AIF1L: variants seen among roughly 807,000 people sequenced by gnomAD.
AIF1L encodes allograft inflammatory factor 1 like.
In AIF1L, 12 loss-of-function variants were observed where a neutral mutation model predicts 20.7. The ratio of observed to expected loss-of-function variants is 0.58; its 90% CI spans 0.37 to 0.94. AIF1L has a LOEUF of 0.94. Ranked by LOEUF, AIF1L falls within the 40% of genes least tolerant of loss-of-function variation. The pLI, the probability that AIF1L is intolerant of heterozygous loss-of-function variation, is 0.01. For missense variants in AIF1L, 173 were observed against 185.3 expected (o/e 0.93, Z 0.39); for synonymous variants, 76 against 65.1 (o/e 1.17, Z -0.81).
intron 4 of AIF1L, among the ~76,000 whole-genome samples, chr9:131,115,449 C>CAAAAAA (rs746698091): frequency 6.6e-5 from 4 of 60,398 alleles, no homozygotes; most frequent in Admixed American, 2.9e-4. Context: ...GATTCTGTCT[C>CAAAAAA]AAAAAAAAAA....
chr9:131,096,705 G>A, intron 1 of AIF1L, 45 bp downstream of exon 1: 14 of 1,448,710 alleles, frequency 9.7e-6, no homozygotes, highest in Non-Finnish European at 1.2e-5. Flanking sequence ...GCGCCGGGCG[G>A]ACCGCGGGGT....
At chr9:131,103,140 G>A (rs1054396482) in intron 2 of AIF1L, among the ~76,000 whole-genome samples, 1 of 152,234 alleles carries the variant, frequency 6.6e-6, no homozygotes, top group African/African-American at 2.4e-5. Context: ...AGGCTGGGAT[G>A]GGCTTGGGGG....
intron 4 of AIF1L, among the ~76,000 whole-genome samples, 165 bp from the exon 5 acceptor site, chr9:131,117,591 G>C (rs73658931): frequency 1.3e-5 from 2 of 152,124 alleles, no homozygotes; most frequent in African/African-American, 2.4e-5. Context: ...TAGCCTATAC[G>C]GCCTCCAAAG....
At chr9:131,114,766 C>T in intron 4 of AIF1L, 148 bp downstream of exon 4, 2 of 1,015,650 alleles carry the variant, frequency 2.0e-6, no homozygotes, top group Non-Finnish European at 3.1e-6. Flanking sequence ...TTGCCTTCTG[C>T]CCTGGCACCA....
At position 131,115,680 on chromosome 9, in the gene AIF1L, G is replaced by T. The variant is rs114002705; in HGVS notation, c.202+1062G>T. Among the ~76,000 whole-genome samples, 1,158 of 146,576 alleles carry T rather than the reference G, an allele frequency of 7.9e-3. 12 individuals are homozygous for T. Among genetic ancestry groups the T allele is most frequent in the African/African-American group, 0.027 (1,081 of 39,804 alleles). On this transcript the variant is annotated intron_variant, in intron 4 of 5. Coordinates refer to ENST00000247291, the MANE Select transcript of AIF1L (RefSeq NM_031426.4). ...TTTTGATCATTTTTTTTTTTCTTTA[G>T]AAAGAAAATTTGGCCAGGCACAGTG...
chr9:131,097,938 G>A (rs1452099761), intron 2 of AIF1L, among the ~76,000 whole-genome samples: 1 of 152,236 alleles, frequency 6.6e-6, no homozygotes, highest in East Asian at 1.9e-4. Flanking sequence ...GCAGAGGCAC[G>A]CCCGCTGAAA....
intron 2 of AIF1L, among the ~76,000 whole-genome samples, chr9:131,098,927 A>T (rs1830583143): frequency 1.3e-5 from 2 of 151,996 alleles, no homozygotes; most frequent in Non-Finnish European, 2.9e-5. Flanking sequence ...GAGGCCCAGG[A>T]TCTGGGGCCC....
chr9:131,107,512 C>G (rs1205214433), intron 2 of AIF1L, among the ~76,000 whole-genome samples: 1 of 152,154 alleles, frequency 6.6e-6, no homozygotes, highest in Non-Finnish European at 1.5e-5. Context: ...TTGTGCCTCC[C>G]CAGGAAGGTT....
Position 131,099,722 on chromosome 9 carries a change from G to A in AIF1L, c.93+2859G>A, listed in dbSNP as rs1830596725. Reference sequence around the variant, plus strand: ...GCTTCCAGAGGGGCAGGGTAGCTCAGCCTTAGCTTTTTTTTTTTTTTTTTT... The same window carrying A: ...GCTTCCAGAGGGGCAGGGTAGCTCAACCTTAGCTTTTTTTTTTTTTTTTTT... On this transcript the variant is annotated intron_variant, in intron 2 of 5. Transcript: ENST00000247291. Among the ~76,000 whole-genome samples the A allele has an allele frequency of 2.1e-5, 3 of 143,220 alleles. No individual in the cohort carries two copies. In the South Asian group the frequency reaches 6.7e-4, roughly 32 times the overall value. The allele number at this position is 143,220 out of a possible 152,430, so 94.0% of individuals were successfully genotyped here.
At chr9:131,097,478 C>T (rs575743573) in intron 2 of AIF1L, among the ~76,000 whole-genome samples, 4 of 152,292 alleles carry the variant, frequency 2.6e-5, no homozygotes, top group Non-Finnish European at 5.9e-5. Context: ...TCCAGCCTCC[C>T]GCCTCCCTCA....
chr9:131,096,796 C>T lies in AIF1L; in HGVS notation c.32-6C>T, dbSNP rs962324761. 5 of 1,532,844 alleles carry T rather than the reference C, an allele frequency of 3.3e-6. No homozygotes were observed. Among genetic ancestry groups the T allele is most frequent in the Admixed American group, 2.0e-5 (1 of 49,068 alleles). The allele number at this position is 1,532,844 out of a possible 1,614,324, so 95.0% of individuals were successfully genotyped here. A position where few individuals can be genotyped will look rare whatever the true frequency, so the allele number is the denominator to read the frequency against. Reference sequence around the variant, plus strand: ...GCTTCCCAGGCCGCCTCTTTGTCTCCTCCAGGAGGGAAGGCGTTCGGCTTG... The same window carrying T: ...GCTTCCCAGGCCGCCTCTTTGTCTCTTCCAGGAGGGAAGGCGTTCGGCTTG... On this transcript the variant is annotated splice_region_variant and splice_polypyrimidine_tract_variant and intron_variant, in intron 1 of 5. Coordinates refer to ENST00000247291, the MANE Select transcript of AIF1L (RefSeq NM_031426.4).
intron 4 of AIF1L, among the ~76,000 whole-genome samples, chr9:131,115,496 C>T (rs949016086): frequency 1.5e-5 from 2 of 136,722 alleles, no homozygotes; most frequent in Non-Finnish European, 3.1e-5. Context: ...GGTGAAATGA[C>T]TTGCTTACAT....
chr9:131,100,369 C>T (rs1830610744), intron 2 of AIF1L, among the ~76,000 whole-genome samples: 1 of 152,206 alleles, frequency 6.6e-6, no homozygotes. Context: ...TGGTATGTGC[C>T]CGTCCTGTGC....
intron 5 of AIF1L, 90 bp downstream of exon 5, chr9:131,118,008 C>A: frequency 7.2e-7 from 1 of 1,396,932 alleles, no homozygotes; most frequent in Non-Finnish European, 9.7e-7. Context: ...AGCCATTCCC[C>A]ACCTAGTAGG....
Position 131,121,733 on chromosome 9 carries a change from C to G in AIF1L, c.*1411C>G, listed in dbSNP as rs995274565. On this transcript the variant is annotated 3_prime_UTR_variant, in exon 6 of 6. Transcript: ENST00000247291. ...ACACTTGGAGAGGGTTTCACTTGCT[C>G]TGAAGACCCTGGTCCAGGATTCGCC... The G allele has an allele frequency of 2.0e-5, 3 of 152,320 alleles. No individual in the cohort carries two copies. Among genetic ancestry groups the G allele is most frequent in the African/African-American group, 7.2e-5 (3 of 41,458 alleles). The allele number at this position is 152,320 out of a possible 1,614,324, so 9.4% of individuals were successfully genotyped here.
At chr9:131,106,144 C>T in intron 2 of AIF1L, 1 of 1,524,872 alleles carries the variant, frequency 6.6e-7, no homozygotes, top group East Asian at 2.5e-5. Flanking sequence ...TGGCTGGGGC[C>T]CTGCCTCCTC....
chr9:131,100,174 T>A (rs906683468), intron 2 of AIF1L, among the ~76,000 whole-genome samples: 1 of 152,300 alleles, frequency 6.6e-6, no homozygotes, highest in Middle Eastern at 3.4e-3. Context: ...CTCAAGTAGC[T>A]GGGACTACAG....
chr9:131,116,495 C>T (rs1306557012), intron 4 of AIF1L, among the ~76,000 whole-genome samples: 1 of 152,178 alleles, frequency 6.6e-6, no homozygotes, highest in African/African-American at 2.4e-5. Flanking sequence ...AACTCCTGGC[C>T]TCAAGTGATC....
chr9:131,119,273 G>A lies in AIF1L; in HGVS notation c.366-962G>A, dbSNP rs149743064. On this transcript the variant is annotated intron_variant, in intron 5 of 5. Coordinates refer to ENST00000247291, the MANE Select transcript of AIF1L (RefSeq NM_031426.4). The stretch of plus-strand genomic sequence containing the variant: ...CCCAGCGCTTCGGGAGGCTGAGGCC[G>A]GTGGATCACCTGAGGTCAGGAGTTC... Among the ~76,000 whole-genome samples the A allele has an allele frequency of 1.8e-4, 28 of 152,334 alleles. No homozygotes were observed. The East Asian group carries it at 2.9e-3, about 16-fold the overall frequency.
Sources: allele counts gnomAD v4.1 joint callset (sites outside exome capture counted in the v4.1 genomes callset), GRCh38; gene constraint gnomAD v4.1.1; transcripts MANE v1.5; gene names NCBI Gene and HGNC (gene_info 2026-07-23, HGNC 2026-07-21).